BBS9: variants seen among roughly 807,000 people sequenced by gnomAD.
BBS9 encodes the protein protein PTHB1.
BBS9 carries 89 observed loss-of-function variants against 117.7 expected under a neutral mutation model. The ratio of observed to expected loss-of-function variants is 0.76; its 90% CI spans 0.64 to 0.90. The LOEUF (loss-of-function observed/expected upper bound fraction) is 0.90. BBS9 is among the 40% of genes least tolerant of loss of function. The pLI is 0.00. For synonymous variants in BBS9, 379 were observed against 370.9 expected (o/e 1.02, Z -0.25); for missense variants, 982 against 1,042.2 (o/e 0.94, Z 0.80).
chr7:33,316,887 A>G (rs1810622199), intron 9 of BBS9, among the ~76,000 whole-genome samples: 1 of 152,166 alleles, frequency 6.6e-6, no homozygotes, highest in Non-Finnish European at 1.5e-5. Context: ...GAAGAGGTCT[A>G]GTTTATCATT....
intron 5 of BBS9, among the ~76,000 whole-genome samples, chr7:33,240,049 C>T (rs1794217716): frequency 6.6e-6 from 1 of 151,990 alleles, no homozygotes. Context: ...CTCCAGTTTT[C>T]CCCCCAAACA....
At chr7:33,231,694 C>T (rs768110358) in intron 5 of BBS9, among the ~76,000 whole-genome samples, 2 of 151,734 alleles carry the variant, frequency 1.3e-5, no homozygotes, top group African/African-American at 2.4e-5. Context: ...TTGGGAAATC[C>T]GAATTAGAGT....
intron 9 of BBS9, among the ~76,000 whole-genome samples, chr7:33,285,856 C>T (rs554166252): frequency 6.6e-6 from 1 of 151,934 alleles, no homozygotes; most frequent in East Asian, 1.9e-4. Flanking sequence ...CAGAAAAATT[C>T]TCCTTAGGAA....
intron 19 of BBS9, among the ~76,000 whole-genome samples, chr7:33,401,140 C>A (rs1262082995): frequency 6.6e-6 from 1 of 152,192 alleles, no homozygotes; most frequent in Non-Finnish European, 1.5e-5. Flanking sequence ...TTACTCCACC[C>A]CATCTCATCT....
intron 4 of BBS9, among the ~76,000 whole-genome samples, chr7:33,175,715 A>AG (rs1214266799): frequency 6.6e-6 from 1 of 152,238 alleles, no homozygotes; most frequent in East Asian, 1.9e-4. Flanking sequence ...GGCAAAAGGG[A>AG]GGGAAAAAAA....
intron 18 of BBS9, among the ~76,000 whole-genome samples, chr7:33,386,455 CATTT>C (rs35669997): frequency 0.62 from 84,960 of 138,072 alleles, 27,202 homozygotes; most frequent in Admixed American, 0.71. Context: ...AGCTTGCTTT[CATTT>C]ATTTATTTAT....
At chr7:33,364,840 G>C (rs934630208) in intron 16 of BBS9, among the ~76,000 whole-genome samples, 1 of 149,958 alleles carries the variant, frequency 6.7e-6, no homozygotes, top group Non-Finnish European at 1.5e-5. Flanking sequence ...GCAATCCTCC[G>C]ACCTCAGCCT....
intron 21 of BBS9, among the ~76,000 whole-genome samples, chr7:33,541,311 TC>T (rs1470663733): frequency 4.6e-5 from 7 of 152,294 alleles, no homozygotes; most frequent in Admixed American, 2.0e-4. Flanking sequence ...CTCTCCATAT[TC>T]AGCCAGTCAC....
chr7:33,542,721 G>GTATA (rs1852540664), intron 21 of BBS9, among the ~76,000 whole-genome samples: 1 of 143,804 alleles, frequency 7.0e-6, no homozygotes, highest in Admixed American at 6.9e-5. Flanking sequence ...GTGTGTGTGT[G>GTATA]TGTGTGTGTG....
At chr7:33,473,472 C>T (rs1440023268) in intron 19 of BBS9, among the ~76,000 whole-genome samples, 1 of 152,022 alleles carries the variant, frequency 6.6e-6, no homozygotes, top group South Asian at 2.1e-4. Context: ...TACAGGGACC[C>T]GACACCACAC....
intron 10 of BBS9, among the ~76,000 whole-genome samples, chr7:33,339,035 G>C (rs1261990554): frequency 6.6e-6 from 1 of 152,156 alleles, no homozygotes; most frequent in Non-Finnish European, 1.5e-5. Context: ...TGTATTTTGT[G>C]ACATTGTTCA....
intron 19 of BBS9, among the ~76,000 whole-genome samples, chr7:33,484,326 G>A (rs912226962): frequency 6.6e-6 from 1 of 152,168 alleles, no homozygotes; most frequent in Non-Finnish European, 1.5e-5. Context: ...TACAGCATAT[G>A]TATATATTTC....
intron 21 of BBS9, among the ~76,000 whole-genome samples, chr7:33,624,979 A>G (rs1159432362): frequency 6.6e-6 from 1 of 152,106 alleles, no homozygotes; most frequent in East Asian, 1.9e-4. Context: ...GTAGTCCTGA[A>G]CCAGTACTCT....
At position 33,498,575 on chromosome 7, in the gene BBS9, C is replaced by T. The variant is rs114072927; in HGVS notation, c.2116-6888C>T. On this transcript the variant is annotated intron_variant, in intron 19 of 22. Coordinates refer to ENST00000242067, the MANE Select transcript of BBS9 (RefSeq NM_198428.3). Reference sequence around the variant, plus strand: ...CTACTTTCTGTGTTTATAGATTTACCTATTCTGGGTATTTTATATAAATGG... The same window carrying T: ...CTACTTTCTGTGTTTATAGATTTACTTATTCTGGGTATTTTATATAAATGG... Among the ~76,000 whole-genome samples, 953 of 152,248 alleles carry T rather than the reference C, an allele frequency of 6.3e-3. 12 individuals are homozygous for T. The highest frequency in any genetic ancestry group is 0.022 in the African/African-American group (918 of 41,552).
At chr7:33,331,590 G>A (rs1814054593) in intron 9 of BBS9, among the ~76,000 whole-genome samples, 1 of 149,854 alleles carries the variant, frequency 6.7e-6, no homozygotes, top group Admixed American at 6.7e-5. Context: ...ACGTAGATCA[G>A]TAGCACTGCT....
chr7:33,190,389 C>A (rs1783927457), intron 5 of BBS9, among the ~76,000 whole-genome samples: 1 of 152,188 alleles, frequency 6.6e-6, no homozygotes, highest in Non-Finnish European at 1.5e-5. Flanking sequence ...AAATCCAAAC[C>A]TCCCATTTCC....
At chr7:33,328,729 T>G (rs188468516) in intron 9 of BBS9, among the ~76,000 whole-genome samples, 6 of 152,338 alleles carry the variant, frequency 3.9e-5, no homozygotes, top group Admixed American at 3.3e-4. Flanking sequence ...CAATGCATGT[T>G]CTTTTTATTT....
chr7:33,513,330 T>C (rs1163816123), intron 20 of BBS9, among the ~76,000 whole-genome samples: 3 of 152,246 alleles, frequency 2.0e-5, no homozygotes, highest in African/African-American at 4.8e-5. Context: ...TGAATTTCAC[T>C]TGGATGGTGT....
intron 19 of BBS9, among the ~76,000 whole-genome samples, chr7:33,432,988 G>C (rs1314133458): frequency 6.6e-6 from 1 of 151,926 alleles, no homozygotes; most frequent in Non-Finnish European, 1.5e-5. Context: ...ACTAAGAGAG[G>C]GTTTATGTAT....
Sources: gnomAD v4.1 joint callset for allele counts (sites outside exome capture counted in the v4.1 genomes callset) on GRCh38, gnomAD v4.1.1 for gene constraint, MANE v1.5 for transcripts, NCBI Gene and HGNC (gene_info 2026-07-23, HGNC 2026-07-21) for gene names.